NLGN1: variants seen among roughly 807,000 people sequenced by gnomAD.
NLGN1 encodes neuroligin 1, also known as neuroligin-1.
Under a neutral mutation model 65.5 loss-of-function variants are expected in NLGN1, and 12 were observed. The observed-to-expected ratio is 0.18, with a 90% CI of 0.12 to 0.30. NLGN1 has a LOEUF of 0.30. Ranked by LOEUF, NLGN1 falls within the 10% of genes least tolerant of loss-of-function variation. NLGN1 has a pLI of 1.00. For synonymous variants in NLGN1, 350 were observed against 359.5 expected (o/e 0.97, Z 0.30); for missense variants, 750 against 1,007.1 (o/e 0.74, Z 3.46).
intron 4 of NLGN1, among the ~76,000 whole-genome samples, chr3:174,214,263 G>C (rs958285831): frequency 4.6e-5 from 7 of 151,920 alleles, no homozygotes; most frequent in African/African-American, 1.7e-4. Context: ...TATTTTTATT[G>C]TTTCTTCAGA....
intron 3 of NLGN1, among the ~76,000 whole-genome samples, chr3:173,680,650 T>C (rs1334297318): frequency 6.6e-6 from 1 of 152,192 alleles, no homozygotes; most frequent in Non-Finnish European, 1.5e-5. Context: ...AATACCATTT[T>C]ATGACAATGA....
At chr3:174,142,073 TTG>T (rs1432074295) in intron 4 of NLGN1, among the ~76,000 whole-genome samples, 1 of 152,170 alleles carries the variant, frequency 6.6e-6, no homozygotes, top group Non-Finnish European at 1.5e-5. Context: ...ATTTTTACTT[TTG>T]TGTTTATCAC....
chr3:174,144,670 T>C (rs1431021711), intron 4 of NLGN1, among the ~76,000 whole-genome samples: 1 of 152,230 alleles, frequency 6.6e-6, no homozygotes, highest in African/African-American at 2.4e-5. Flanking sequence ...TGACCAGTGA[T>C]GATGAGCTTT....
intron 4 of NLGN1, among the ~76,000 whole-genome samples, chr3:174,252,364 C>T (rs528561180): frequency 1.3e-5 from 2 of 151,466 alleles, no homozygotes; most frequent in South Asian, 2.1e-4. Flanking sequence ...ATTAGTAAAG[C>T]GAAAAGGAGA....
intron 3 of NLGN1, among the ~76,000 whole-genome samples, chr3:173,628,842 C>T (rs1230626826): frequency 6.6e-6 from 1 of 151,952 alleles, no homozygotes; most frequent in African/African-American, 2.4e-5. Flanking sequence ...TAGAGGCGTG[C>T]ACCACCATGC....
intron 4 of NLGN1, among the ~76,000 whole-genome samples, chr3:174,115,490 T>TA (rs1013875639): frequency 1.3e-5 from 2 of 152,302 alleles, no homozygotes; most frequent in African/African-American, 4.8e-5. Context: ...TGTCATGTGT[T>TA]ACACAGATAT....
At chr3:173,719,749 C>T (rs958586145) in intron 3 of NLGN1, among the ~76,000 whole-genome samples, 2 of 152,134 alleles carry the variant, frequency 1.3e-5, no homozygotes, top group African/African-American at 4.8e-5. Context: ...GTATAGTATA[C>T]ATATTTTTCT....
intron 2 of NLGN1, among the ~76,000 whole-genome samples, chr3:173,593,857 C>T (rs765732039): frequency 7.2e-5 from 11 of 152,128 alleles, no homozygotes; most frequent in Non-Finnish European, 1.5e-4. Flanking sequence ...TACATGTTGG[C>T]GGCAAGAGAA....
chr3:173,870,673 A>T (rs980869266), intron 4 of NLGN1, among the ~76,000 whole-genome samples: 1 of 152,174 alleles, frequency 6.6e-6, no homozygotes, highest in African/African-American at 2.4e-5. Context: ...TTCTTAATTT[A>T]TATTTGGTGA....
chr3:174,081,921 C>T (rs546447836), intron 4 of NLGN1, among the ~76,000 whole-genome samples: 1 of 152,260 alleles, frequency 6.6e-6, no homozygotes, highest in Admixed American at 6.5e-5. Context: ...CAGACATTAC[C>T]ATCCACCTTG....
intron 2 of NLGN1, among the ~76,000 whole-genome samples, chr3:173,489,659 C>A: frequency 6.6e-6 from 1 of 152,056 alleles, no homozygotes; most frequent in Non-Finnish European, 1.5e-5. Flanking sequence ...GGAATCGCCA[C>A]ACTGACTTCC....
intron 3 of NLGN1, among the ~76,000 whole-genome samples, chr3:173,780,935 A>C (rs1006785815): frequency 6.6e-6 from 1 of 151,988 alleles, no homozygotes; most frequent in Non-Finnish European, 1.5e-5. Context: ...AGGTCAGGAG[A>C]TCGAGACCAT....
intron 1 of NLGN1, among the ~76,000 whole-genome samples, chr3:173,400,555 A>C (rs1717482740): frequency 6.6e-6 from 1 of 151,840 alleles, no homozygotes; most frequent in Non-Finnish European, 1.5e-5. Context: ...CCTCTACCCC[A>C]CCCCACCAAA....
At chr3:174,051,594 G>A (rs1734899897) in intron 4 of NLGN1, among the ~76,000 whole-genome samples, 1 of 152,084 alleles carries the variant, frequency 6.6e-6, no homozygotes, top group East Asian at 1.9e-4. Context: ...GGGATTGGAG[G>A]ACATAAATGG....
chr3:173,812,444 T>C (rs974499261), intron 4 of NLGN1, among the ~76,000 whole-genome samples: 1 of 152,050 alleles, frequency 6.6e-6, no homozygotes, highest in Non-Finnish European at 1.5e-5. Context: ...AGTATAACTT[T>C]AGGCCAGGCG....
intron 4 of NLGN1, among the ~76,000 whole-genome samples, chr3:173,909,848 T>C (rs914255230): frequency 6.6e-6 from 1 of 152,086 alleles, no homozygotes; most frequent in African/African-American, 2.4e-5. Context: ...CCAGCTAATT[T>C]TGTATTTTCA....
chr3:174,122,780 CAG>C (rs1718043219), intron 4 of NLGN1, among the ~76,000 whole-genome samples: 1 of 151,932 alleles, frequency 6.6e-6, no homozygotes, highest in Admixed American at 6.6e-5. Context: ...TTTTTAATTA[CAG>C]AGAGAAGATG....
intron 4 of NLGN1, among the ~76,000 whole-genome samples, chr3:174,049,934 G>T (rs1330991901): frequency 1.3e-5 from 2 of 151,970 alleles, no homozygotes; most frequent in East Asian, 3.9e-4. Flanking sequence ...ATGCGTTTGG[G>T]AGTTAAGACT....
intron 4 of NLGN1, among the ~76,000 whole-genome samples, chr3:174,256,745 T>G: frequency 6.6e-6 from 1 of 152,172 alleles, no homozygotes; most frequent in East Asian, 1.9e-4. Context: ...ATAATTTTCA[T>G]ATGCAAAAGT....
Sources: gnomAD v4.1 joint callset for allele counts (sites outside exome capture counted in the v4.1 genomes callset) on GRCh38, gnomAD v4.1.1 for gene constraint, MANE v1.5 for transcripts, NCBI Gene and HGNC (gene_info 2026-07-23, HGNC 2026-07-21) for gene names.